RNF216: variants seen among roughly 807,000 people sequenced by gnomAD.
RNF216 encodes the protein ring finger protein 216.
In RNF216, 72 loss-of-function variants were observed where a neutral mutation model predicts 110.8. The observed-to-expected ratio is 0.65, with a 90% CI of 0.54 to 0.79. RNF216 has a LOEUF of 0.79. Ranked by LOEUF, RNF216 falls within the 30% of genes least tolerant of loss-of-function variation. The pLI is 0.00. For missense variants in RNF216, 1,342 were observed against 1,141.2 expected (o/e 1.18, Z -2.54); for synonymous variants, 495 against 407.5 (o/e 1.21, Z -2.59).
At chr7:5,746,030 T>C (rs1300442377) in intron 3 of RNF216, among the ~76,000 whole-genome samples, 1 of 152,168 alleles carries the variant, frequency 6.6e-6, no homozygotes, top group Non-Finnish European at 1.5e-5. Flanking sequence ...CTTTGACAGG[T>C]CTGGCAACCC....
chr7:5,683,858 C>G (rs1790805786), intron 13 of RNF216, among the ~76,000 whole-genome samples: 1 of 152,020 alleles, frequency 6.6e-6, no homozygotes, highest in Non-Finnish European at 1.5e-5. Flanking sequence ...TTGCTATGGC[C>G]ATCATTACAG....
At chr7:5,757,274 CTA>C (rs977762244) in intron 2 of RNF216, among the ~76,000 whole-genome samples, 8 of 152,112 alleles carry the variant, frequency 5.3e-5, no homozygotes, top group African/African-American at 1.9e-4. Context: ...GTATATTTTC[CTA>C]TCATGTTACT....
At position 5,660,943 on chromosome 7, in the gene RNF216, G is replaced by GTTTTTTTTTTTTTTTTTTTTTTT. The variant is rs1168463360; in HGVS notation, c.2062-8456_2062-8434dup. Among the ~76,000 whole-genome samples, 5 of 90,164 alleles carry GTTTTTTTTTTTTTTTTTTTTTTT rather than the reference G, an allele frequency of 5.5e-5. 1 individual carries two copies. The highest frequency in any genetic ancestry group is 1.6e-4 in the African/African-American group (3 of 18,244). 59.2% of individuals were successfully genotyped at this position (90,164 alleles called of 152,430 possible). A position where few individuals can be genotyped will look rare whatever the true frequency, so the allele number is the denominator to read the frequency against. ...TAGCTCCATGCTCCTGAAGCCTTAGGTTTTTTTTTTTTTTTTTTTTTTTTT... is the reference window on the plus strand; with the variant it reads ...TAGCTCCATGCTCCTGAAGCCTTAGGTTTTTTTTTTTTTTTTTTTTTTTTTTTTTTTTTTTTTTTTTTTTTTTT... On this transcript the variant is annotated intron_variant, in intron 13 of 16. Coordinates refer to ENST00000389902, the MANE Select transcript of RNF216 (RefSeq NM_207111.4).
chr7:5,666,399 G>A (rs1398516222), intron 13 of RNF216, among the ~76,000 whole-genome samples: 1 of 152,122 alleles, frequency 6.6e-6, no homozygotes, highest in Non-Finnish European at 1.5e-5. Context: ...TGTAAGTGAA[G>A]ACTTAAGAAA....
intron 15 of RNF216, among the ~76,000 whole-genome samples, chr7:5,633,139 CA>C (rs1368106526): frequency 3.3e-5 from 5 of 151,932 alleles, no homozygotes; most frequent in Admixed American, 3.3e-4. Flanking sequence ...GCCCCATGCC[CA>C]GCTAATTTTT....
intron 7 of RNF216, among the ~76,000 whole-genome samples, chr7:5,725,681 C>G (rs1420708308): frequency 1.3e-5 from 2 of 152,086 alleles, no homozygotes; most frequent in Non-Finnish European, 2.9e-5. Flanking sequence ...GAAACCCTGT[C>G]TGTACTAAAA....
At chr7:5,724,576 G>C (rs1793635998) in intron 8 of RNF216, among the ~76,000 whole-genome samples, 1 of 152,174 alleles carries the variant, frequency 6.6e-6, no homozygotes, top group Admixed American at 6.5e-5. Context: ...TCCACAGACT[G>C]GCTTAGGAAC....
rs184123952 is a variant in RNF216 at position 5,631,027 on chromosome 7, T to C, written c.2383-6902A>G. On this transcript the variant is annotated intron_variant, in intron 15 of 16. Coordinates refer to ENST00000389902, the MANE Select transcript of RNF216 (RefSeq NM_207111.4). ...TGTGTCAGAGGCAACTGTTCTAAGGTGTGCTTTATTCTATAAAGAGTGCAG... is the reference window on the plus strand; with the variant it reads ...TGTGTCAGAGGCAACTGTTCTAAGGCGTGCTTTATTCTATAAAGAGTGCAG... Among the ~76,000 whole-genome samples, 17 of 152,182 alleles carry C rather than the reference T, an allele frequency of 1.1e-4. No individual in the cohort carries two copies. The East Asian group carries it at 3.3e-3, about 29-fold the overall frequency.
chr7:5,642,020 G>A (rs1238204415), intron 14 of RNF216, among the ~76,000 whole-genome samples: 8 of 128,780 alleles, frequency 6.2e-5, no homozygotes, highest in African/African-American at 2.4e-4. Flanking sequence ...GTAACAGAGT[G>A]AGACTCTATC....
intron 1 of RNF216, among the ~76,000 whole-genome samples, chr7:5,778,560 A>G (rs940954064): frequency 1.3e-5 from 2 of 152,218 alleles, no homozygotes; most frequent in African/African-American, 4.8e-5. Flanking sequence ...CCCAGGACAT[A>G]GCATATCGGA....
chr7:5,626,419 A>G (rs982564123), intron 15 of RNF216, among the ~76,000 whole-genome samples: 5 of 151,950 alleles, frequency 3.3e-5, no homozygotes, highest in Non-Finnish European at 7.4e-5. Context: ...GACTAAAAAA[A>G]AAAAAAAGAA....
chr7:5,662,741 G>C (rs186444906), intron 13 of RNF216, among the ~76,000 whole-genome samples: 88 of 152,264 alleles, frequency 5.8e-4, no homozygotes, highest in African/African-American at 2.0e-3. Context: ...TGTATACTCT[G>C]AGGAAGATGG....
At chr7:5,671,167 G>A (rs2128595359) in intron 13 of RNF216, among the ~76,000 whole-genome samples, 1 of 152,344 alleles carries the variant, frequency 6.6e-6, no homozygotes, top group South Asian at 2.1e-4. Context: ...GTTAGGCTCA[G>A]CAACTGCTCC....
At chr7:5,777,732 A>G (rs1796861703) in intron 1 of RNF216, 2 of 152,246 alleles carry the variant, frequency 1.3e-5, no homozygotes, top group African/African-American at 4.8e-5. Context: ...ATCCATCATT[A>G]TGGATATAAA....
intron 13 of RNF216, among the ~76,000 whole-genome samples, chr7:5,664,185 G>A (rs779857578): frequency 2.0e-5 from 3 of 152,174 alleles, no homozygotes; most frequent in Non-Finnish European, 2.9e-5. Flanking sequence ...CAAAAAAAGC[G>A]TATCTATCTC....
chr7:5,732,611 T>A (rs139628351), intron 5 of RNF216, among the ~76,000 whole-genome samples: 3,002 of 152,340 alleles, frequency 0.02, 42 homozygotes, highest in Non-Finnish European at 0.03. Flanking sequence ...TCTAGTTTAA[T>A]CCCTTCATTA....
intron 13 of RNF216, among the ~76,000 whole-genome samples, chr7:5,682,235 C>G (rs1006492970): frequency 6.6e-6 from 1 of 152,106 alleles, no homozygotes; most frequent in Admixed American, 6.5e-5. Context: ...AATCTAGACT[C>G]CAAAAATCCC....
Position 5,623,138 on chromosome 7 carries a change from C to A in RNF216, c.2494G>T (p.Val832Leu). 1 of 1,588,384 alleles carries A rather than the reference C, an allele frequency of 6.3e-7. No individual in the cohort carries two copies. The highest frequency in any genetic ancestry group is 8.6e-7 in the Non-Finnish European group (1 of 1,161,908). The change falls in exon 17 of 17, where the codon GTG becomes TTG. Residue 832 changes from valine (V) to leucine (L), a missense_variant. Physicochemically the swap from Val to Leu is conservative, Grantham distance 32 (BLOSUM62 1). Coordinates refer to ENST00000389902, the MANE Select transcript of RNF216 (RefSeq NM_207111.4). ...GCCTCCACCCTCTGCACCTTCTCCA[C>A]AGGCTTCTCCAGCGGGGGTCCAATG... ...KRIGPPLEKP[V>L]EKVQRVEALP...
chr7:5,701,021 G>C (rs1791932578), intron 13 of RNF216, among the ~76,000 whole-genome samples: 1 of 152,092 alleles, frequency 6.6e-6, no homozygotes, highest in Non-Finnish European at 1.5e-5. Flanking sequence ...TTCTGAGTAG[G>C]AGTAAGAAAT....
Sources: allele counts gnomAD v4.1 joint callset (sites outside exome capture counted in the v4.1 genomes callset), GRCh38; gene constraint gnomAD v4.1.1; transcripts MANE v1.5; gene names NCBI Gene and HGNC (gene_info 2026-07-23, HGNC 2026-07-21).